Variants in TSNAXIP1 observed in about 807,000 individuals in gnomAD.
The protein encoded by TSNAXIP1 is translin associated factor X interacting protein 1, also known as translin-associated factor X-interacting protein 1.
Under a neutral mutation model 84.8 loss-of-function variants are expected in TSNAXIP1, and 89 were observed. The observed-to-expected ratio is 1.05, with a 90% CI of 0.88 to 1.25. The LOEUF is 1.25. TSNAXIP1 is among the 50% of genes most tolerant of loss of function. TSNAXIP1 has a pLI of 0.00. For missense variants in TSNAXIP1, 874 were observed against 887.6 expected, an observed-to-expected ratio of 0.98 and a Z score of 0.20; for synonymous variants, 347 against 335.2, an observed-to-expected ratio of 1.04 and a Z score of -0.39.
intron 4 of TSNAXIP1, among the ~76,000 whole-genome samples, chr16:67,822,476 G>T (rs2057139699): frequency 6.6e-6 from 1 of 151,832 alleles, no homozygotes; most frequent in African/African-American, 2.4e-5. Flanking sequence ...CTGGCAGTTG[G>T]GCAAGCAGGG....
chr16:67,825,597 G>A, intron 7 of TSNAXIP1, 70 bp from the exon 8 acceptor site: 2 of 1,548,080 alleles, frequency 1.3e-6, no homozygotes, highest in South Asian at 1.2e-5. Context: ...AAACAGGAAG[G>A]GCAGAGGGCT....
intron 6 of TSNAXIP1, 90 bp from the exon 7 acceptor site, chr16:67,825,046 GC>G: frequency 2.0e-6 from 3 of 1,524,500 alleles, no homozygotes; most frequent in African/African-American, 1.4e-5. Flanking sequence ...CCCTGATGGG[GC>G]CCCCCAGAAC....
chr16:67,825,042 T>C (rs2057337294), intron 6 of TSNAXIP1, 95 bp from the exon 7 acceptor site: 7 of 1,523,664 alleles, frequency 4.6e-6, no homozygotes, highest in Non-Finnish European at 5.3e-6. Context: ...CAGTCCCTGA[T>C]GGGGCCCCCC....
chr16:67,827,880 G>C lies in TSNAXIP1; in HGVS notation c.2026G>C (p.Glu676Gln), dbSNP rs547374943. 87 of 1,614,106 alleles carry C rather than the reference G, an allele frequency of 5.4e-5. No homozygotes were observed. In the East Asian group the frequency reaches 1.6e-3, roughly 30 times the overall value. The change falls in exon 16 of 16, where the codon GAG becomes CAG. Residue 676 changes from glutamate (E) to glutamine (Q), a missense_variant. Glu to Gln is a conservative substitution (Grantham distance 29). Coordinates refer to ENST00000561639, the MANE Select transcript of TSNAXIP1 (RefSeq NM_001288990.3). The part of the protein sequence containing the change: ...FQLPESEMPE[E>Q]GDEKEEAVVE... ...GCTCCCTGAGTCGGAAATGCCAGAG[G>C]AGGGTGACGAGAAGGAAGAAGCCGT...
rs773898060 is a variant in TSNAXIP1 at position 67,826,273 on chromosome 16, C to A, written c.1266C>A (p.Phe422Leu). 2.5e-6 allele frequency: 4 copies of A among 1,579,000 alleles called. No individual in the cohort carries two copies. The highest frequency in any genetic ancestry group is 1.2e-5 in the South Asian group (1 of 84,848). ...GGCTGCTGCGGGAGAAAGACTTCTTCCCTGGTCTGGTAGGGGAGGCCCCAG... is the reference window on the plus strand; with the variant it reads ...GGCTGCTGCGGGAGAAAGACTTCTTACCTGGTCTGGTAGGGGAGGCCCCAG... Reference protein sequence around the residue: ...GSGLLREKDFFPGLGYGEAIP... With the variant: ...GSGLLREKDFLPGLGYGEAIP... Residue 422 changes from phenylalanine to leucine, a missense_variant, in exon 10 of 16, where the codon TTC becomes TTA. Transcript: ENST00000561639.
At chr16:67,827,156 C>A in intron 13 of TSNAXIP1, 84 bp downstream of exon 13, 1 of 1,605,310 alleles carries the variant, frequency 6.2e-7, no homozygotes, top group South Asian at 1.1e-5. Flanking sequence ...GTGGGAAGGG[C>A]CACAGCCTCG....
In TSNAXIP1 at chr16:67,827,764, T is replaced by C; in HGVS notation, c.1910T>C (p.Val637Ala). 1 of 1,613,920 alleles carries C rather than the reference T, an allele frequency of 6.2e-7. No individual in the cohort carries two copies. Among genetic ancestry groups the C allele is most frequent in the Non-Finnish European group, 8.5e-7 (1 of 1,180,010 alleles). The change falls in exon 16 of 16, where the codon GTG becomes GCG. Residue 637 changes from valine to alanine, a missense_variant. Val to Ala is a moderately conservative substitution (Grantham distance 64, BLOSUM62 0). Coordinates refer to ENST00000561639, the MANE Select transcript of TSNAXIP1 (RefSeq NM_001288990.3). The stretch of plus-strand genomic sequence containing the variant: ...TTCCTGTGGGGCAGCCATGAGGAAG[T>C]GACTCTGCCCAAGCTGCGAGGGGGC... ...QELGIELHEE[V>A]TLPKLRGGLM... is the part of the protein sequence containing the mutation.
In TSNAXIP1 at chr16:67,820,882, C is replaced by A. The variant is rs781209792; in HGVS notation, c.191C>A (p.Thr64Lys). The stretch of plus-strand genomic sequence containing the variant: ...GGTGGGCACCTGTCCCCATGGCCCA[C>A]ATACACCAGTGGCCAGACCATTTTG... ...SMGGHLSPWP[T>K]YTSGQTILQN... Residue 64 changes from threonine to lysine, a missense_variant, in exon 3 of 16, where the codon ACA (threonine) becomes AAA (lysine). Coordinates refer to ENST00000561639, the MANE Select transcript of TSNAXIP1 (RefSeq NM_001288990.3). 1 of 1,596,852 alleles carries A rather than the reference C, an allele frequency of 6.3e-7. No homozygotes were observed. The highest frequency in any genetic ancestry group is 8.5e-7 in the Non-Finnish European group (1 of 1,171,964).
chr16:67,820,879 C>T lies in TSNAXIP1; in HGVS notation c.188C>T (p.Pro63Leu). ...FSMGGHLSPWPTYTSGQTILQ... is the reference protein window; with the variant it reads ...FSMGGHLSPWLTYTSGQTILQ... The stretch of plus-strand genomic sequence containing the variant: ...ATGGGTGGGCACCTGTCCCCATGGC[C>T]CACATACACCAGTGGCCAGACCATT... Residue 63 changes from proline (P) to leucine (L), a missense_variant, in exon 3 of 16, where the codon CCC (proline) becomes CTC (leucine). Pro to Leu is a moderately conservative substitution (Grantham distance 98, BLOSUM62 -3). Transcript: ENST00000561639. 1.9e-6 allele frequency: 3 copies of T among 1,591,934 alleles called. No homozygotes were observed. Among genetic ancestry groups the T allele is most frequent in the Non-Finnish European group, 2.6e-6 (3 of 1,169,650 alleles).
chr16:67,827,398 C>G, intron 14 of TSNAXIP1, 23 bp downstream of exon 14: 1 of 1,614,054 alleles, frequency 6.2e-7, no homozygotes, highest in South Asian at 1.1e-5. Flanking sequence ...GGTCCGGGGA[C>G]TGGCCTGGCC....
At position 67,823,724 on chromosome 16, in the gene TSNAXIP1, G is replaced by T. The variant is rs747222450; in HGVS notation, c.481+5G>T. 2 of 1,609,006 alleles carry T rather than the reference G, an allele frequency of 1.2e-6. No homozygotes were observed. Among genetic ancestry groups the T allele is most frequent in the African/African-American group, 2.7e-5 (2 of 74,324 alleles). On this transcript the variant is annotated splice_donor_5th_base_variant and intron_variant, in intron 5 of 15. Transcript: ENST00000561639. ...ATGCGTATGAGGGGATGCTGGGTAA[G>T]AATGCACCTCCTGCCAGGCGTAGTG...
intron 2 of TSNAXIP1, among the ~76,000 whole-genome samples, chr16:67,817,527 G>A (rs191141236): frequency 0.052 from 7,724 of 148,598 alleles, 561 homozygotes; most frequent in African/African-American, 0.17. Context: ...TGATTTGCCC[G>A]CCTTGGCCTC....
chr16:67,825,269 C>T lies in TSNAXIP1; in HGVS notation c.811C>T (p.Pro271Ser), dbSNP rs756052623. ...QREDMSLAQS[P>S]GIWGEDPVKL... Reference sequence around the variant, plus strand: ...GGAGGACATGTCATTAGCCCAGTCGCCAGGTAAGCCTGAATTGGGAATCGG... The same window carrying T: ...GGAGGACATGTCATTAGCCCAGTCGTCAGGTAAGCCTGAATTGGGAATCGG... Residue 271 changes from proline to serine, a missense_variant, in exon 7 of 16, where the codon CCA becomes TCA. Transcript: ENST00000561639. 9.3e-6 allele frequency: 15 copies of T among 1,613,870 alleles called. No individual in the cohort carries two copies. Among genetic ancestry groups the T allele is most frequent in the East Asian group, 6.7e-5 (3 of 44,880 alleles).
intron 1 of TSNAXIP1, among the ~76,000 whole-genome samples, chr16:67,812,676 A>C (rs1184661141): frequency 1.3e-5 from 2 of 151,410 alleles, no homozygotes; most frequent in African/African-American, 4.9e-5. Flanking sequence ...AAGAAAAAAA[A>C]AAAAATTGGC....
intron 2 of TSNAXIP1, among the ~76,000 whole-genome samples, chr16:67,819,815 A>AT (rs1162375778): frequency 0.051 from 5,221 of 102,568 alleles, 612 homozygotes; most frequent in African/African-American, 0.18. Context: ...ACCTGGCTAA[A>AT]TTTTTTTTTT....
rs530377915 is a variant in TSNAXIP1, at chr16:67,825,177, A to G, written c.719A>G (p.His240Arg). Residue 240 changes from histidine to arginine, a missense_variant, in exon 7 of 16, where the codon CAC becomes CGC. By Grantham distance (29) the His-to-Arg change is conservative. Coordinates refer to ENST00000561639, the MANE Select transcript of TSNAXIP1 (RefSeq NM_001288990.3). Reference sequence around the variant, plus strand: ...AAGAACTTGGCTGAGGAGTACCTGCACTACCTCAGTGAGCGAGATGCCTGT... The same window carrying G: ...AAGAACTTGGCTGAGGAGTACCTGCGCTACCTCAGTGAGCGAGATGCCTGT... ...LRKNLAEEYL[H>R]YLSERDACKI... 2 of 1,609,488 alleles carry G rather than the reference A, an allele frequency of 1.2e-6. No homozygotes were observed. The highest frequency in any genetic ancestry group is 2.2e-5 in the South Asian group (2 of 90,990).
At chr16:67,808,929 G>A (rs1033882396) in intron 1 of TSNAXIP1, among the ~76,000 whole-genome samples, 5 of 151,416 alleles carry the variant, frequency 3.3e-5, no homozygotes, top group African/African-American at 1.2e-4. Context: ...GCTCATGCCT[G>A]TAATCCCAAT....
chr16:67,827,075 G>A lies in TSNAXIP1; in HGVS notation c.1664+3G>A, dbSNP rs956439030. On this transcript the variant is annotated splice_donor_region_variant and intron_variant, in intron 13 of 15. Transcript: ENST00000561639. ...CTACTAACCATGGAGCAGTTCAAGT[G>A]AGAGGCCAGTCCAGGCTACCCCCAA... is the stretch of plus-strand genomic sequence containing the variant. 1 of 1,613,730 alleles carries A rather than the reference G, an allele frequency of 6.2e-7. No homozygotes were observed. Among genetic ancestry groups the A allele is most frequent in the Non-Finnish European group, 8.5e-7 (1 of 1,179,900 alleles).
chr16:67,809,070 T>C (rs2055775269), intron 1 of TSNAXIP1, among the ~76,000 whole-genome samples: 1 of 145,830 alleles, frequency 6.9e-6, no homozygotes, highest in Non-Finnish European at 1.5e-5. Context: ...CTCAGGAGGC[T>C]GAGGCAGGAG....
Sources: gnomAD v4.1 joint callset for allele counts (sites outside exome capture counted in the v4.1 genomes callset) on GRCh38, gnomAD v4.1.1 for gene constraint, MANE v1.5 for transcripts, NCBI Gene and HGNC (gene_info 2026-07-23, HGNC 2026-07-21) for gene names.